Variants in PAICS observed in about 807,000 individuals in gnomAD.
PAICS encodes the protein bifunctional phosphoribosylaminoimidazole carboxylase/phosphoribosylaminoimidazole succinocarboxamide synthetase.
PAICS carries 33 observed loss-of-function variants against 53.7 expected under a neutral mutation model. That is an observed-to-expected ratio of 0.61 (90% CI 0.47 to 0.82). The LOEUF is 0.82. PAICS is among the 40% of genes least tolerant of loss of function. The pLI, the probability that PAICS is intolerant of heterozygous loss-of-function variation, is 0.00. For synonymous variants in PAICS, 141 were observed against 167.2 expected (o/e 0.84, Z 1.21); for missense variants, 394 against 494.1 (o/e 0.80, Z 1.92).
rs1719581829 is a variant in PAICS at position 56,463,443 on chromosome 4, C to G, written c.*3905C>G. On this transcript the variant is annotated 3_prime_UTR_variant, in exon 9 of 9. Coordinates refer to ENST00000512576, the MANE Select transcript of PAICS (RefSeq NM_001079524.2). ...GTGCAGTGGCTCACGCCTGTAATCCCAGCACTTTGGGAGGGTGAGGTGGGC... is the reference window on the plus strand; with the variant it reads ...GTGCAGTGGCTCACGCCTGTAATCCGAGCACTTTGGGAGGGTGAGGTGGGC... 1 of 151,854 alleles carries G rather than the reference C, an allele frequency of 6.6e-6. No homozygotes were observed. The highest frequency in any genetic ancestry group is 2.1e-4 in the South Asian group (1 of 4,812). 9.4% of individuals were successfully genotyped at this position (151,854 alleles called of 1,614,324 possible).
upstream of PAICS, chr4:56,435,697 G>A: frequency 6.8e-7 from 1 of 1,461,004 alleles, no homozygotes. Flanking sequence ...GAGCGAGGGC[G>A]GAGGGGCGGT....
chr4:56,455,553 G>C (rs762021156), intron 8 of PAICS, among the ~76,000 whole-genome samples: 22 of 152,180 alleles, frequency 1.4e-4, no homozygotes, highest in Middle Eastern at 3.4e-3. Context: ...TATTTTGTTG[G>C]AGTACATTCT....
intron 8 of PAICS, among the ~76,000 whole-genome samples, chr4:56,454,491 T>C (rs1346220232): frequency 6.6e-6 from 1 of 152,200 alleles, no homozygotes; most frequent in Non-Finnish European, 1.5e-5. Context: ...TAGTGGTAGT[T>C]TCTTAAGGTA....
chr4:56,432,614 T>C (rs1717651455), upstream of PAICS, among the ~76,000 whole-genome samples: 1 of 148,620 alleles, frequency 6.7e-6, no homozygotes. Flanking sequence ...TGAAACCCCG[T>C]TTCTACTAAA....
At chr4:56,416,432 G>A in the PAICS span, 1 of 701,092 alleles carries the variant, frequency 1.4e-6, no homozygotes, top group Non-Finnish European at 1.8e-6. Context: ...CAGACCAATG[G>A]AACTAGGTAT....
upstream of PAICS, among the ~76,000 whole-genome samples, chr4:56,434,716 C>T (rs557871632): frequency 4.1e-4 from 62 of 152,186 alleles, no homozygotes; most frequent in Non-Finnish European, 6.9e-4. Flanking sequence ...TGCACTGTTC[C>T]CTATGGTTGG....
intron 8 of PAICS, among the ~76,000 whole-genome samples, chr4:56,456,609 A>G (rs1021695575): frequency 6.7e-6 from 1 of 150,218 alleles, no homozygotes; most frequent in Non-Finnish European, 1.5e-5. Flanking sequence ...GGCACTCCGT[A>G]TGTTGTCCAG....
the PAICS span, among the ~76,000 whole-genome samples, chr4:56,416,615 C>T: frequency 1.3e-5 from 2 of 152,150 alleles, no homozygotes; most frequent in Non-Finnish European, 2.9e-5. Context: ...GATTTCCTTA[C>T]GAAATTTAAG....
At chr4:56,415,816 C>T in the PAICS span, among the ~76,000 whole-genome samples, 1 of 152,142 alleles carries the variant, frequency 6.6e-6, no homozygotes, top group African/African-American at 2.4e-5. Context: ...GTGGCTCACA[C>T]CTGTAATCCC....
chr4:56,450,757 C>A, intron 6 of PAICS, 55 bp downstream of exon 6: 2 of 888,840 alleles, frequency 2.3e-6, no homozygotes, highest in South Asian at 1.5e-5. Context: ...CTAAGAAAAT[C>A]TTGTTTCAAA....
chr4:56,434,960 A>T (rs1349098536), upstream of PAICS, among the ~76,000 whole-genome samples: 2 of 152,226 alleles, frequency 1.3e-5, no homozygotes, highest in Non-Finnish European at 2.9e-5. Context: ...GCCACGCCAC[A>T]CTAGCCTATT....
the PAICS span, among the ~76,000 whole-genome samples, chr4:56,427,929 G>C: frequency 2.6e-5 from 4 of 152,148 alleles, no homozygotes; most frequent in African/African-American, 9.7e-5. Context: ...ATACAGTAGA[G>C]AAAGAAGGAA....
chr4:56,436,050 C>A, upstream of PAICS: 1 of 1,508,468 alleles, frequency 6.6e-7, no homozygotes, highest in Admixed American at 2.0e-5. Context: ...ACTGCGCCAG[C>A]GCGGGGCGGC....
At chr4:56,416,850 T>C in the PAICS span, among the ~76,000 whole-genome samples, 2 of 152,250 alleles carry the variant, frequency 1.3e-5, no homozygotes, top group South Asian at 2.1e-4. Flanking sequence ...AATCCTTCTT[T>C]GCTTCTATTT....
chr4:56,451,761 A>C (rs1352987972), intron 6 of PAICS, 111 bp from the exon 7 acceptor site: 1 of 564,992 alleles, frequency 1.8e-6, no homozygotes, highest in African/African-American at 1.9e-5. Flanking sequence ...CTTAAATTTG[A>C]TCTGTTAAGA....
At chr4:56,427,227 CT>C in the PAICS span, among the ~76,000 whole-genome samples, 2 of 152,266 alleles carry the variant, frequency 1.3e-5, no homozygotes, top group South Asian at 4.1e-4. Context: ...GCTTTCAATT[CT>C]TTTGGGTATA....
chr4:56,451,781 T>C, intron 6 of PAICS, 91 bp from the exon 7 acceptor site: 3 of 693,108 alleles, frequency 4.3e-6, no homozygotes, highest in South Asian at 5.3e-5. Context: ...AAAGAAAATA[T>C]TGGGCCCAGA....
chr4:56,411,148 G>C, the PAICS span, among the ~76,000 whole-genome samples: 2 of 151,988 alleles, frequency 1.3e-5, no homozygotes, highest in South Asian at 4.1e-4. Context: ...ACATTACAAT[G>C]GCACTGACTG....
chr4:56,424,197 T>C, the PAICS span, among the ~76,000 whole-genome samples: 1 of 152,238 alleles, frequency 6.6e-6, no homozygotes, highest in Non-Finnish European at 1.5e-5. Flanking sequence ...CTTAAATGTA[T>C]GCTATAAGCC....
Sources: gnomAD v4.1 joint callset for allele counts (sites outside exome capture counted in the v4.1 genomes callset) on GRCh38, gnomAD v4.1.1 for gene constraint, MANE v1.5 for transcripts, NCBI Gene and HGNC (gene_info 2026-07-23, HGNC 2026-07-21) for gene names.